The following ADAMTS17 variants were observed in gnomAD, a reference collection of about 807,000 sequenced individuals.
ADAMTS17 encodes the protein ADAM metallopeptidase with thrombospondin type 1 motif 17, also known as A disintegrin and metalloproteinase with thrombospondin motifs 17.
A neutral mutation model predicts 141.5 loss-of-function variants in ADAMTS17; 113 were observed. That is an observed-to-expected ratio of 0.80 (90% CI 0.69 to 0.93). ADAMTS17 has a LOEUF of 0.93. Among genes scored for constraint, ADAMTS17 ranks in the 40% least tolerant of loss-of-function variants. ADAMTS17 has a pLI of 0.00. For missense variants in ADAMTS17, 1,659 were observed against 1,517.9 expected (o/e 1.09, Z -1.54); for synonymous variants, 768 against 630.6 (o/e 1.22, Z -3.27).
rs1393504759 is a variant in ADAMTS17, at chr15:100,152,649, A to T, written c.1436T>A (p.Leu479Gln). 6.2e-7 allele frequency: 1 copy of T among 1,614,018 alleles called. No homozygotes were observed. The highest frequency in any genetic ancestry group is 8.5e-7 in the Non-Finnish European group (1 of 1,180,040). Residue 479 changes from leucine to glutamine, a missense_variant, in exon 10 of 22, where the codon CTG (leucine) becomes CAG (glutamine). Leu to Gln is a moderately radical substitution (Grantham distance 113, BLOSUM62 -2). Transcript: ENST00000268070. ...HYSANEQCQILFGMNATFCRN... is the reference protein window; with the variant it reads ...HYSANEQCQIQFGMNATFCRN... ...GCAGAAGGTGGCATTCATGCCAAAC[A>T]GGATCTGGCACTGCTCGTTGGCACT...
intron 3 of ADAMTS17, among the ~76,000 whole-genome samples, chr15:100,283,893 G>T (rs1269653104): frequency 6.6e-6 from 1 of 152,122 alleles, no homozygotes; most frequent in Non-Finnish European, 1.5e-5. Flanking sequence ...ATCACTTGCG[G>T]TCAGGAGTTT....
chr15:99,977,386 ATATATATATATATAAT>A lies in ADAMTS17; in HGVS notation c.2950-1180_2950-1165del, dbSNP rs1164890045. ...TATATATATATATATATATATATATATATATATATATATAATTTTTTTTTTTTTTTTTTTTTTTTTT... is the reference window on the plus strand; with the variant it reads ...TATATATATATATATATATATATATATTTTTTTTTTTTTTTTTTTTTTTTT... On this transcript the variant is annotated intron_variant, in intron 20 of 21. Transcript: ENST00000268070. Among the ~76,000 whole-genome samples the A allele has an allele frequency of 1.5e-3, 17 of 11,470 alleles. 3 individuals carry two copies. The highest frequency in any genetic ancestry group is 4.1e-3 in the African/African-American group (12 of 2,916). The allele number at this position is 11,470 out of a possible 152,430, so 7.5% of individuals were successfully genotyped here. A position where few individuals can be genotyped will look rare whatever the true frequency, so the allele number is the denominator to read the frequency against.
chr15:100,031,635 C>T (rs1321298221), intron 18 of ADAMTS17, among the ~76,000 whole-genome samples: 4 of 152,176 alleles, frequency 2.6e-5, no homozygotes, highest in Admixed American at 2.6e-4. Flanking sequence ...ATGCTCATGC[C>T]ACCGGAATGA....
At position 100,048,887 on chromosome 15, in the gene ADAMTS17, C is replaced by T. The variant is rs138284004; in HGVS notation, c.2561G>A (p.Arg854Gln). ...CTGGCAGGGGTGCAAGTTGCACCTT[C>T]GGACCTGGGGCTCTGGGCGGCTTGC... ...PQASRPEPQV[R>Q]RCNLHPCQSR... Residue 854 changes from arginine (R) to glutamine (Q), a missense_variant, in exon 18 of 22, where the codon CGA becomes CAA. By Grantham distance (43) the Arg-to-Gln change is conservative (BLOSUM62 1). Coordinates refer to ENST00000268070, the MANE Select transcript of ADAMTS17 (RefSeq NM_139057.4). 86 of 1,614,190 alleles carry T rather than the reference C, an allele frequency of 5.3e-5. 1 individual carries two copies. Among genetic ancestry groups the T allele is most frequent in the Admixed American group, 4.2e-4 (25 of 60,034 alleles).
At chr15:100,140,565 T>A (rs193143433) in intron 10 of ADAMTS17, among the ~76,000 whole-genome samples, 255 of 150,390 alleles carry the variant, frequency 1.7e-3, no homozygotes, top group African/African-American at 5.8e-3. Context: ...TGTAAACCAG[T>A]GCCTGGCAAG....
At chr15:100,034,547 T>C (rs764550396) in intron 18 of ADAMTS17, among the ~76,000 whole-genome samples, 1 of 152,270 alleles carries the variant, frequency 6.6e-6, no homozygotes, top group Non-Finnish European at 1.5e-5. Flanking sequence ...GGGATGCCAC[T>C]GCTGGGCTTG....
chr15:100,251,437 T>C (rs1218989926), intron 7 of ADAMTS17, among the ~76,000 whole-genome samples: 2 of 152,102 alleles, frequency 1.3e-5, no homozygotes, highest in African/African-American at 2.4e-5. Context: ...AAAAGCTAAT[T>C]AAGGTTGGCC....
In ADAMTS17 at chr15:99,997,294, G is replaced by A. The variant is rs895679834; in HGVS notation, c.2796+91C>T. The A allele has an allele frequency of 4.1e-6, 6 of 1,455,500 alleles. No individual in the cohort carries two copies. In the East Asian group the frequency reaches 6.8e-5, roughly 17 times the overall value. 90.2% of individuals were successfully genotyped at this position (1,455,500 alleles called of 1,614,324 possible). ...ACTTCAAGCTGACCTGGGGGCGAGC[G>A]AGGGCTGGGAGGCACCAGAATGTCA... On this transcript the variant is annotated intron_variant, in intron 19 of 21. Coordinates refer to ENST00000268070, the MANE Select transcript of ADAMTS17 (RefSeq NM_139057.4). The surrounding 1 kb of genome is among the most constrained non-coding windows in gnomAD (Gnocchi z 4.7).
intron 18 of ADAMTS17, among the ~76,000 whole-genome samples, chr15:100,012,921 G>T (rs1045806253): frequency 6.6e-6 from 1 of 152,144 alleles, no homozygotes. Flanking sequence ...ACTCTGTGAA[G>T]AATGATAGCA....
chr15:100,296,045 A>G (rs2044797347), intron 3 of ADAMTS17, among the ~76,000 whole-genome samples: 1 of 152,178 alleles, frequency 6.6e-6, no homozygotes, highest in Non-Finnish European at 1.5e-5. Context: ...AGCGTACCAC[A>G]GATTTCTCAA....
At chr15:100,186,987 T>G (rs1001530810) in intron 8 of ADAMTS17, among the ~76,000 whole-genome samples, 1 of 152,230 alleles carries the variant, frequency 6.6e-6, no homozygotes, top group Non-Finnish European at 1.5e-5. Context: ...TCATTGCTCT[T>G]CCACAATTAT....
intron 20 of ADAMTS17, among the ~76,000 whole-genome samples, chr15:99,984,459 C>T (rs181126554): frequency 5.5e-4 from 84 of 152,336 alleles, no homozygotes; most frequent in Middle Eastern, 3.4e-3. Context: ...TCTTCGAACA[C>T]GTGAACACTT....
At chr15:100,068,498 C>T (rs1445949860) in intron 15 of ADAMTS17, among the ~76,000 whole-genome samples, 1 of 152,170 alleles carries the variant, frequency 6.6e-6, no homozygotes, top group African/African-American at 2.4e-5. Flanking sequence ...TGGGAGGCAC[C>T]CCCCAGTAGG....
intron 15 of ADAMTS17, among the ~76,000 whole-genome samples, chr15:100,058,263 G>A (rs76581235): frequency 0.61 from 18,314 of 30,144 alleles, 5,144 homozygotes; most frequent in Middle Eastern, 0.73. Context: ...TCCCGGCTCT[G>A]ACACCCCTAT....
intron 10 of ADAMTS17, among the ~76,000 whole-genome samples, chr15:100,146,119 G>A (rs561253927): frequency 3.9e-5 from 6 of 152,240 alleles, no homozygotes; most frequent in Non-Finnish European, 5.9e-5. Flanking sequence ...GTTGCACTGA[G>A]CTGAGATCGA....
At chr15:100,329,501 G>C (rs2045985745) in intron 3 of ADAMTS17, among the ~76,000 whole-genome samples, 1 of 148,972 alleles carries the variant, frequency 6.7e-6, no homozygotes. Flanking sequence ...ACTCCAGCCT[G>C]GGTGACAGAG....
intron 7 of ADAMTS17, among the ~76,000 whole-genome samples, chr15:100,219,445 A>G (rs2042065583): frequency 6.6e-6 from 1 of 152,210 alleles, no homozygotes; most frequent in East Asian, 1.9e-4. Flanking sequence ...TAAGAGTATA[A>G]CATGGTAGAT....
intron 3 of ADAMTS17, among the ~76,000 whole-genome samples, chr15:100,312,426 T>C (rs568165519): frequency 6.6e-5 from 10 of 152,350 alleles, no homozygotes; most frequent in African/African-American, 2.4e-4. Flanking sequence ...AATGAAGGCC[T>C]GCTGACACTT....
intron 18 of ADAMTS17, among the ~76,000 whole-genome samples, chr15:100,010,510 C>T (rs1263037349): frequency 3.3e-5 from 5 of 152,148 alleles, no homozygotes; most frequent in Admixed American, 2.6e-4. Context: ...ACGTGTGCTG[C>T]GAGCCTATGG....
Sources: allele counts gnomAD v4.1 joint callset (sites outside exome capture counted in the v4.1 genomes callset), GRCh38; gene constraint gnomAD v4.1.1; non-coding constraint Gnocchi (gnomAD v3.1); transcripts MANE v1.5; gene names NCBI Gene and HGNC (gene_info 2026-07-23, HGNC 2026-07-21).